Variants in SPG21 observed in about 807,000 individuals in gnomAD.
SPG21 encodes the protein SPG21 abhydrolase domain containing, maspardin.
Under a neutral mutation model 38.9 loss-of-function variants are expected in SPG21, and 26 were observed. The ratio of observed to expected loss-of-function variants is 0.67; its 90% CI spans 0.49 to 0.93. The LOEUF (loss-of-function observed/expected upper bound fraction) is 0.93, where lower values mean the gene tolerates loss of function less well. Ranked by LOEUF, SPG21 falls within the 40% of genes least tolerant of loss-of-function variation. The pLI, the probability that SPG21 is intolerant of heterozygous loss-of-function variation, is 0.00. For synonymous variants in SPG21, 136 were observed against 128.9 expected, an observed-to-expected ratio of 1.05 and a Z score of -0.37; for missense variants, 333 against 376.5, an observed-to-expected ratio of 0.88 and a Z score of 0.96.
intron 1 of SPG21, 139 bp from the exon 2 acceptor site, chr15:64,983,732 C>T: frequency 1.7e-6 from 1 of 597,380 alleles, no homozygotes; most frequent in Non-Finnish European, 3.0e-6. Context: ...GTATATAGTC[C>T]AACTACAGAA....
In SPG21 at chr15:64,966,397, C is replaced by G. The variant is rs576968522; in HGVS notation, c.670-937G>C. Among the ~76,000 whole-genome samples, 28 of 152,254 alleles carry G rather than the reference C, an allele frequency of 1.8e-4. 1 individual carries two copies. Among genetic ancestry groups the G allele is most frequent in the African/African-American group, 6.5e-4 (27 of 41,544 alleles). On this transcript the variant is annotated intron_variant, in intron 7 of 8. Transcript: ENST00000204566. Reference sequence around the variant, plus strand: ...TGTTTAAGTGCATCTCCAACTAAAACTTACAGGCTGTTTTCAGTGACCATG... The same window carrying G: ...TGTTTAAGTGCATCTCCAACTAAAAGTTACAGGCTGTTTTCAGTGACCATG...
chr15:64,988,227 A>G (rs1003851747), intron 1 of SPG21, among the ~76,000 whole-genome samples: 1 of 151,964 alleles, frequency 6.6e-6, no homozygotes, highest in African/African-American at 2.4e-5. Context: ...GTCTCAAAAA[A>G]CAAACAAACA....
At chr15:64,966,567 T>C (rs1168699603) in intron 7 of SPG21, among the ~76,000 whole-genome samples, 1 of 152,156 alleles carries the variant, frequency 6.6e-6, no homozygotes, top group Non-Finnish European at 1.5e-5. Context: ...TTTACACGCT[T>C]ATAATGAATA....
chr15:64,963,796 G>T, intron 8 of SPG21, 60 bp from the exon 9 acceptor site: 3 of 1,506,882 alleles, frequency 2.0e-6, no homozygotes, highest in Non-Finnish European at 2.8e-6. Flanking sequence ...CACTCTTGTT[G>T]CCCAGGCTGG....
intron 7 of SPG21, 145 bp from the exon 8 acceptor site, chr15:64,965,605 C>T: frequency 7.9e-7 from 1 of 1,262,050 alleles, no homozygotes; most frequent in Non-Finnish European, 1.1e-6. Flanking sequence ...TGAAGACAAT[C>T]CTGAACCCCC....
chr15:64,986,532 A>G (rs1008587796), intron 1 of SPG21, among the ~76,000 whole-genome samples: 8 of 151,460 alleles, frequency 5.3e-5, no homozygotes, highest in Non-Finnish European at 7.4e-5. Context: ...CTAAAAATAC[A>G]AAAAAAATTA....
At chr15:64,969,884 G>A (rs916872026) in intron 6 of SPG21, among the ~76,000 whole-genome samples, 1 of 152,094 alleles carries the variant, frequency 6.6e-6, no homozygotes, top group African/African-American at 2.4e-5. Flanking sequence ...TCTGCTGTGA[G>A]GCCTTACAAT....
intron 8 of SPG21, among the ~76,000 whole-genome samples, chr15:64,964,408 TA>T (rs1388065532): frequency 7.2e-5 from 11 of 152,242 alleles, no homozygotes; most frequent in South Asian, 2.1e-4. Flanking sequence ...GGGCATCAAG[TA>T]TTCCTGTTTA....
At chr15:64,976,598 TAAA>T (rs2085779879) in intron 3 of SPG21, 43 bp from the exon 4 acceptor site, 2 of 1,489,518 alleles carry the variant, frequency 1.3e-6, no homozygotes, top group African/African-American at 1.4e-5. Flanking sequence ...ATCATAAAAG[TAAA>T]AATGCAACTC....
At chr15:64,965,497 G>A (rs2085523975) in intron 7 of SPG21, 37 bp from the exon 8 acceptor site, 2 of 1,613,722 alleles carry the variant, frequency 1.2e-6, no homozygotes, top group Non-Finnish European at 1.7e-6. Flanking sequence ...CATAGGAAAG[G>A]TAAAACACAC....
chr15:64,980,337 G>C (rs2085858011), intron 3 of SPG21, among the ~76,000 whole-genome samples: 1 of 152,204 alleles, frequency 6.6e-6, no homozygotes, highest in Non-Finnish European at 1.5e-5. Context: ...GCTGCCAAAA[G>C]AGGTTTGTTC....
Position 64,963,437 on chromosome 15 carries a change from C to CAGTT in SPG21, c.*179_*182dup, listed in dbSNP as rs1346905491. On this transcript the variant is annotated 3_prime_UTR_variant, in exon 9 of 9. Coordinates refer to ENST00000204566, the MANE Select transcript of SPG21 (RefSeq NM_016630.7). ...AAAGCTAAGAAAACCAAAGAGGGAA[C>CAGTT]AGTTACACAGGCTTAGTGGAGATGC... 1.7e-6 allele frequency: 1 copy of CAGTT among 599,708 alleles called. No individual in the cohort carries two copies. Among genetic ancestry groups the CAGTT allele is most frequent in the Non-Finnish European group, 3.0e-6 (1 of 335,518 alleles). 37.1% of individuals were successfully genotyped at this position (599,708 alleles called of 1,614,324 possible).
chr15:64,980,317 G>A (rs1359770412), intron 3 of SPG21, among the ~76,000 whole-genome samples: 1 of 152,180 alleles, frequency 6.6e-6, no homozygotes, highest in African/African-American at 2.4e-5. Context: ...TAAATGCTGG[G>A]CATGGAGAGG....
chr15:64,987,793 G>C (rs2086025048), intron 1 of SPG21, among the ~76,000 whole-genome samples: 1 of 152,170 alleles, frequency 6.6e-6, no homozygotes, highest in Admixed American at 6.5e-5. Context: ...CCAGCACTTT[G>C]GGAGGCTGAG....
intron 1 of SPG21, among the ~76,000 whole-genome samples, 171 bp from the exon 2 acceptor site, chr15:64,983,764 A>C (rs2085931327): frequency 6.6e-6 from 1 of 152,106 alleles, no homozygotes; most frequent in Non-Finnish European, 1.5e-5. Context: ...GAAATACTAC[A>C]ATCACAGAAT....
chr15:64,976,717 T>C (rs892066530), intron 3 of SPG21, among the ~76,000 whole-genome samples, 162 bp from the exon 4 acceptor site: 3 of 152,178 alleles, frequency 2.0e-5, no homozygotes, highest in Non-Finnish European at 4.4e-5. Context: ...TTACTAAACT[T>C]CATATTTCAC....
At chr15:64,981,135 C>G (rs2085877534) in intron 2 of SPG21, 110 bp from the exon 3 acceptor site, 35 of 1,346,200 alleles carry the variant, frequency 2.6e-5, no homozygotes, top group Non-Finnish European at 3.4e-5. Flanking sequence ...TTGTTTGTTA[C>G]AAGGTAACCT....
At chr15:64,984,840 T>A (rs561895658) in intron 1 of SPG21, among the ~76,000 whole-genome samples, 131 of 146,490 alleles carry the variant, frequency 8.9e-4, no homozygotes, top group African/African-American at 3.2e-3. Flanking sequence ...ACCTCCACCC[T>A]CCAAGTTCAA....
chr15:64,973,068 A>C (rs1306941248), intron 5 of SPG21, among the ~76,000 whole-genome samples: 1 of 152,132 alleles, frequency 6.6e-6, no homozygotes, highest in Non-Finnish European at 1.5e-5. Flanking sequence ...GGCTCAAGCG[A>C]TCCTCCTGCC....
Sources: gnomAD v4.1 joint callset for allele counts (sites outside exome capture counted in the v4.1 genomes callset) on GRCh38, gnomAD v4.1.1 for gene constraint, MANE v1.5 for transcripts, NCBI Gene and HGNC (gene_info 2026-07-23, HGNC 2026-07-21) for gene names.